PACRG: variants seen among roughly 807,000 people sequenced by gnomAD.
PACRG encodes the protein parkin coregulated gene protein.
In PACRG, 29 loss-of-function variants were observed where a neutral mutation model predicts 29.7. That is an observed-to-expected ratio of 0.98 (90% CI 0.73 to 1.33). The LOEUF is 1.33. Ranked by LOEUF, PACRG falls within the 40% of genes most tolerant of loss-of-function variation. The pLI, the probability that PACRG is intolerant of heterozygous loss-of-function variation, is 0.00. For missense variants in PACRG, 279 were observed against 316.2 expected, an observed-to-expected ratio of 0.88 and a Z score of 0.89; for synonymous variants, 116 against 118.7, an observed-to-expected ratio of 0.98 and a Z score of 0.15.
chr6:162,751,098 A>G (rs917364882), intron 1 of PACRG, among the ~76,000 whole-genome samples: 2 of 152,140 alleles, frequency 1.3e-5, no homozygotes, highest in African/African-American at 4.8e-5. Flanking sequence ...TTTCCAAGCC[A>G]TATACATTAT....
chr6:162,798,119 A>T (rs1785533254), intron 1 of PACRG, among the ~76,000 whole-genome samples: 1 of 152,182 alleles, frequency 6.6e-6, no homozygotes, highest in African/African-American at 2.4e-5. Flanking sequence ...GCTGAATTGA[A>T]TTGATTTTTC....
At position 163,315,137 on chromosome 6, in the gene PACRG, T is replaced by G; in HGVS notation, c.*150T>G. On this transcript the variant is annotated 3_prime_UTR_variant, in exon 5 of 5. Coordinates refer to ENST00000366888, the MANE Select transcript of PACRG (RefSeq NM_001080379.2). ...TTATGGGCCATTGGACTGTTAGCCC[T>G]ATTGAGAGCAAGGCTTTCCAATACA... 1 of 844,102 alleles carries G rather than the reference T, an allele frequency of 1.2e-6. No individual in the cohort carries two copies. Among genetic ancestry groups the G allele is most frequent in the Non-Finnish European group, 1.8e-6 (1 of 553,260 alleles). The allele number at this position is 844,102 out of a possible 1,614,324, so 52.3% of individuals were successfully genotyped here.
chr6:162,748,992 G>A (rs960530982), intron 1 of PACRG, among the ~76,000 whole-genome samples: 5 of 152,032 alleles, frequency 3.3e-5, no homozygotes, highest in Non-Finnish European at 7.4e-5. Context: ...TACTATCAAT[G>A]AGTTTGCATT....
chr6:163,032,613 T>A (rs1317072096), intron 2 of PACRG, among the ~76,000 whole-genome samples: 1 of 152,206 alleles, frequency 6.6e-6, no homozygotes, highest in Non-Finnish European at 1.5e-5. Flanking sequence ...TTATAAGAGT[T>A]TTTTATAATT....
At chr6:162,801,620 C>CT (rs2128341150) in intron 1 of PACRG, among the ~76,000 whole-genome samples, 1 of 152,170 alleles carries the variant, frequency 6.6e-6, no homozygotes, top group Non-Finnish European at 1.5e-5. Context: ...GTACTTTAGA[C>CT]TAATTTAGAT....
At chr6:163,302,254 T>TG (rs1785032988) in intron 4 of PACRG, among the ~76,000 whole-genome samples, 2 of 132,368 alleles carry the variant, frequency 1.5e-5, no homozygotes. Flanking sequence ...GTTTGTTTTT[T>TG]TTTGTTTTTT....
At chr6:163,173,900 G>C (rs1425969637) in intron 4 of PACRG, among the ~76,000 whole-genome samples, 1 of 152,204 alleles carries the variant, frequency 6.6e-6, no homozygotes, top group Non-Finnish European at 1.5e-5. Context: ...AGATGTTAAG[G>C]AGAGGTAAAT....
At chr6:163,153,080 A>C (rs1224265424) in intron 4 of PACRG, among the ~76,000 whole-genome samples, 2 of 152,260 alleles carry the variant, frequency 1.3e-5, no homozygotes, top group Non-Finnish European at 2.9e-5. Context: ...ACAAATTTCT[A>C]TATCGAATAA....
chr6:163,186,312 A>G (rs531114309), intron 4 of PACRG, among the ~76,000 whole-genome samples: 2 of 152,174 alleles, frequency 1.3e-5, no homozygotes, highest in African/African-American at 4.8e-5. Flanking sequence ...CAACATTCTC[A>G]TTGTCTCCAC....
Position 162,747,454 on chromosome 6 carries a change from C to A in PACRG, c.156+19063C>A, listed in dbSNP as rs1224360647. 1.0e-3 allele frequency among the ~76,000 whole-genome samples: 37 copies of A among 36,148 alleles called. 6 individuals are homozygous for A. The highest frequency in any genetic ancestry group is 1.4e-3 in the African/African-American group (11 of 7,774). 23.7% of individuals were successfully genotyped at this position (36,148 alleles called of 152,430 possible). ...TATGTAAAACTATATATATATATAACTATAAATATATATGTAAAACTATAT... is the reference window on the plus strand; with the variant it reads ...TATGTAAAACTATATATATATATAAATATAAATATATATGTAAAACTATAT... On this transcript the variant is annotated intron_variant, in intron 1 of 4. Coordinates refer to ENST00000366888, the MANE Select transcript of PACRG (RefSeq NM_001080379.2).
intron 2 of PACRG, among the ~76,000 whole-genome samples, chr6:162,914,651 A>T (rs1796581772): frequency 6.7e-6 from 1 of 150,028 alleles, no homozygotes; most frequent in Non-Finnish European, 1.5e-5. Context: ...TTGAATCTAT[A>T]GATCAACCTG....
At chr6:163,236,401 C>T (rs1408840129) in intron 4 of PACRG, among the ~76,000 whole-genome samples, 2 of 152,170 alleles carry the variant, frequency 1.3e-5, no homozygotes, top group Non-Finnish European at 2.9e-5. Flanking sequence ...AAATTAATCT[C>T]AGCAGAAACT....
At chr6:162,995,095 C>G (rs1213997471) in intron 2 of PACRG, among the ~76,000 whole-genome samples, 129 of 151,026 alleles carry the variant, frequency 8.5e-4, no homozygotes, top group Non-Finnish European at 1.3e-3. Context: ...GCAGTCCGCC[C>G]GTTCTCAGAT....
chr6:162,930,279 T>C (rs113401548), intron 2 of PACRG, among the ~76,000 whole-genome samples: 2,602 of 151,936 alleles, frequency 0.017, 80 homozygotes, highest in African/African-American at 0.059. Context: ...TATCAGTGTT[T>C]TATAGTTTCC....
intron 2 of PACRG, among the ~76,000 whole-genome samples, chr6:162,985,610 G>A (rs1306682560): frequency 6.6e-6 from 1 of 152,126 alleles, no homozygotes; most frequent in African/African-American, 2.4e-5. Context: ...ATACTGAATG[G>A]GGAAAATTTG....
intron 3 of PACRG, among the ~76,000 whole-genome samples, chr6:163,067,147 C>T (rs910603431): frequency 2.0e-5 from 3 of 152,174 alleles, no homozygotes; most frequent in African/African-American, 4.8e-5. Context: ...GCTGTAGCAC[C>T]GCTTCCCAAG....
intron 2 of PACRG, among the ~76,000 whole-genome samples, chr6:162,834,763 T>C (rs1338456273): frequency 2.6e-5 from 4 of 151,996 alleles, no homozygotes; most frequent in Non-Finnish European, 5.9e-5. Flanking sequence ...ATATCATTTG[T>C]ATGTTACTTT....
At position 163,055,168 on chromosome 6, in the gene PACRG, T is replaced by C. The variant is rs942996069; in HGVS notation, c.292-6982T>C. Among the ~76,000 whole-genome samples, 1 of 152,158 alleles carries C rather than the reference T, an allele frequency of 6.6e-6. No homozygotes were observed. Among genetic ancestry groups the C allele is most frequent in the Admixed American group, 6.5e-5 (1 of 15,286 alleles). On this transcript the variant is annotated intron_variant, in intron 2 of 4. Transcript: ENST00000366888. The surrounding 1 kb of genome is among the most constrained non-coding windows in gnomAD (Gnocchi z 4.0). ...AAAGAATTCTCTTGAAAAACTTTACTATGAAGAATAATGTGGAAATGGAGC... is the reference window on the plus strand; with the variant it reads ...AAAGAATTCTCTTGAAAAACTTTACCATGAAGAATAATGTGGAAATGGAGC...
chr6:162,876,010 C>T (rs573120739), intron 2 of PACRG, among the ~76,000 whole-genome samples: 72 of 152,248 alleles, frequency 4.7e-4, no homozygotes, highest in Non-Finnish European at 8.7e-4. Context: ...CTAGATAGAG[C>T]CGAAGATTAC....
Sources: gnomAD v4.1 joint callset for allele counts (sites outside exome capture counted in the v4.1 genomes callset) on GRCh38, gnomAD v4.1.1 for gene constraint, Gnocchi (gnomAD v3.1) non-coding constraint, MANE v1.5 for transcripts, NCBI Gene and HGNC (gene_info 2026-07-23, HGNC 2026-07-21) for gene names.